The following ELAVL4 variants were observed in gnomAD, a reference collection of about 807,000 sequenced individuals.
ELAVL4 encodes the protein ELAV like RNA binding protein 4.
In ELAVL4, 1 loss-of-function variant was observed where a neutral mutation model predicts 35.6. The ratio of observed to expected loss-of-function variants is 0.03; its 90% CI spans 0.01 to 0.13. ELAVL4 has a LOEUF of 0.13. ELAVL4 is among the 10% of genes least tolerant of loss of function. The pLI is 1.00. For synonymous variants in ELAVL4, 156 were observed against 171.0 expected (o/e 0.91, Z 0.69); for missense variants, 267 against 464.9 (o/e 0.57, Z 3.91).
intron 2 of ELAVL4, among the ~76,000 whole-genome samples, chr1:50,174,132 A>C (rs1029652704): frequency 6.6e-6 from 1 of 152,228 alleles, no homozygotes; most frequent in Non-Finnish European, 1.5e-5. Flanking sequence ...TTTCTAAAAG[A>C]AGTAAAGCTT....
At chr1:50,142,417 G>T (rs564402026) in intron 1 of ELAVL4, among the ~76,000 whole-genome samples, 2 of 152,170 alleles carry the variant, frequency 1.3e-5, no homozygotes, top group East Asian at 3.9e-4. Context: ...TGGTCAGGCT[G>T]GTCTTGAACT....
chr1:50,090,180 T>C (rs1361927016), intron 1 of ELAVL4, among the ~76,000 whole-genome samples: 1 of 152,176 alleles, frequency 6.6e-6, no homozygotes, highest in Non-Finnish European at 1.5e-5. Context: ...GTCTCTTTTT[T>C]CCTCCTGTTA....
chr1:50,124,855 A>G (rs573152562), intron 1 of ELAVL4, among the ~76,000 whole-genome samples: 1 of 152,242 alleles, frequency 6.6e-6, no homozygotes, highest in Admixed American at 6.5e-5. Flanking sequence ...GATGTGATGG[A>G]CCAATGAATA....
chr1:50,174,491 T>TG (rs1054844953), intron 2 of ELAVL4: 15 of 151,780 alleles, frequency 9.9e-5, no homozygotes, highest in South Asian at 6.3e-4. Flanking sequence ...TTTGTTTGTT[T>TG]TTTTTTTTTT....
At chr1:50,100,443 C>T (rs989381882), upstream of ELAVL4, among the ~76,000 whole-genome samples, 2 of 152,140 alleles carry the variant, frequency 1.3e-5, no homozygotes, top group African/African-American at 4.8e-5. Flanking sequence ...TTTCCCCCTA[C>T]CCCACCTCTA....
At chr1:50,049,675 G>A (rs1197285975) in intron 1 of ELAVL4, among the ~76,000 whole-genome samples, 6 of 152,140 alleles carry the variant, frequency 3.9e-5, no homozygotes, top group African/African-American at 9.7e-5. Context: ...ATGAGCAAGT[G>A]GATGGCTGGA....
At chr1:50,080,486 C>T (rs1664960064) in intron 1 of ELAVL4, among the ~76,000 whole-genome samples, 1 of 152,144 alleles carries the variant, frequency 6.6e-6, no homozygotes, top group Non-Finnish European at 1.5e-5. Flanking sequence ...TGAATTCCAT[C>T]ATCATTTGAT....
intron 2 of ELAVL4, among the ~76,000 whole-genome samples, chr1:50,148,162 CT>C (rs1674085350): frequency 6.6e-6 from 1 of 152,132 alleles, no homozygotes; most frequent in African/African-American, 2.4e-5. Context: ...GAAACTGAAG[CT>C]TGGTGATTTC....
chr1:50,184,384 G>T lies in ELAVL4; in HGVS notation c.354+7192G>T, dbSNP rs142724220. ...CAAGTGTAAAAGAAGCCAACAATGT[G>T]ATGTGAGCTGCTTCAAAAAAAAAAA... On this transcript the variant is annotated intron_variant, in intron 3 of 6. Transcript: ENST00000371824. 4.7e-4 allele frequency among the ~76,000 whole-genome samples: 58 copies of T among 123,570 alleles called. 1 individual carries two copies. The highest frequency in any genetic ancestry group is 4.0e-3 in the Middle Eastern group (1 of 248). 81.1% of individuals were successfully genotyped at this position (123,570 alleles called of 152,430 possible).
intron 2 of ELAVL4, among the ~76,000 whole-genome samples, chr1:50,159,073 T>C (rs1016042017): frequency 1.5e-4 from 23 of 151,068 alleles, no homozygotes; most frequent in Admixed American, 1.4e-3. Flanking sequence ...AAATACTCTG[T>C]GGCTTGGTCT....
rs745333050 is a variant in ELAVL4 at position 50,145,181 on chromosome 1, G to T, written c.234G>T (p.Val78=). ...SIGEIESCKL[V]RDKITGQSLG... is the part of the protein sequence containing the mutation. Reference sequence around the variant, plus strand: ...GTGAAATAGAATCCTGCAAACTTGTGAGAGACAAAATTACAGGTATGCACA... The same window carrying T: ...GTGAAATAGAATCCTGCAAACTTGTTAGAGACAAAATTACAGGTATGCACA... The change falls in exon 2 of 7, where the codon GTG becomes GTT. Residue 78 remains valine, a synonymous_variant. Coordinates refer to ENST00000371824, the MANE Select transcript of ELAVL4 (RefSeq NM_001144774.3). 6.2e-7 allele frequency: 1 copy of T among 1,613,934 alleles called. No individual in the cohort carries two copies. The highest frequency in any genetic ancestry group is 8.5e-7 in the Non-Finnish European group (1 of 1,179,886).
intron 2 of ELAVL4, among the ~76,000 whole-genome samples, chr1:50,147,604 G>A (rs1673955810): frequency 6.6e-6 from 1 of 152,130 alleles, no homozygotes. Flanking sequence ...ATCACACCAG[G>A]CAAGTGGAGA....
intron 1 of ELAVL4, among the ~76,000 whole-genome samples, chr1:50,133,599 A>AAAGAAAGAAAGAAAGAAAG (rs1460308549): frequency 7.7e-6 from 1 of 129,178 alleles, no homozygotes; most frequent in Non-Finnish European, 1.6e-5. Flanking sequence ...AGAAAGAAAG[A>AAAGAAAGAAAGAAAGAAAG]AAAGAAAGAA....
upstream of ELAVL4, among the ~76,000 whole-genome samples, chr1:50,104,910 C>A (rs1023642011): frequency 6.6e-6 from 1 of 152,118 alleles, no homozygotes; most frequent in African/African-American, 2.4e-5. Flanking sequence ...AAAGGAGATG[C>A]CAAGTTAGCT....
At chr1:50,181,628 G>C (rs1681039350) in intron 3 of ELAVL4, among the ~76,000 whole-genome samples, 1 of 152,122 alleles carries the variant, frequency 6.6e-6, no homozygotes, top group Non-Finnish European at 1.5e-5. Flanking sequence ...GTAGGAGTTT[G>C]GGATGCTATT....
intron 1 of ELAVL4, among the ~76,000 whole-genome samples, chr1:50,071,472 A>G (rs1374061594): frequency 1.3e-5 from 2 of 152,142 alleles, no homozygotes; most frequent in East Asian, 3.9e-4. Flanking sequence ...TTAATTTGAC[A>G]ATTTGACTAG....
At position 50,122,499 on chromosome 1, in the gene ELAVL4, C is replaced by T. The variant is rs368260465; in HGVS notation, c.9+13301C>T. Among the ~76,000 whole-genome samples the T allele has an allele frequency of 2.6e-5, 4 of 152,104 alleles. No homozygotes were observed. The East Asian group carries it at 5.8e-4, about 22-fold the overall frequency. On this transcript the variant is annotated intron_variant, in intron 1 of 6. Coordinates refer to ENST00000371824, the MANE Select transcript of ELAVL4 (RefSeq NM_001144774.3). The stretch of plus-strand genomic sequence containing the variant: ...ACCTTTGTACTAAAGAAACACTGTA[C>T]ATTTTTATATGTTTAGCTGTATATG...
intron 1 of ELAVL4, among the ~76,000 whole-genome samples, chr1:50,121,177 G>T (rs1334092368): frequency 6.6e-6 from 1 of 151,908 alleles, no homozygotes; most frequent in African/African-American, 2.4e-5. Flanking sequence ...GTGGATCTTG[G>T]ATCTGTCATC....
At chr1:50,080,912 G>T (rs546864001) in intron 1 of ELAVL4, among the ~76,000 whole-genome samples, 1 of 152,294 alleles carries the variant, frequency 6.6e-6, no homozygotes, top group African/African-American at 2.4e-5. Context: ...CAAAGCCTTT[G>T]TACTTAAAAC....
Sources: allele counts gnomAD v4.1 joint callset (sites outside exome capture counted in the v4.1 genomes callset), GRCh38; gene constraint gnomAD v4.1.1; transcripts MANE v1.5; gene names NCBI Gene and HGNC (gene_info 2026-07-23, HGNC 2026-07-21).